The following TIAM1 variants were observed in gnomAD, a reference collection of about 807,000 sequenced individuals.
TIAM1 encodes the protein rho guanine nucleotide exchange factor TIAM1.
Under a neutral mutation model 163.5 loss-of-function variants are expected in TIAM1, and 65 were observed. The observed-to-expected ratio is 0.40, with a 90% confidence interval of 0.33 to 0.49. The LOEUF (loss-of-function observed/expected upper bound fraction) is 0.49, where lower values mean the gene tolerates loss of function less well. TIAM1 is among the 20% of genes least tolerant of loss of function. The pLI is 0.77. For synonymous variants in TIAM1, 833 were observed against 810.1 expected, an observed-to-expected ratio of 1.03 and a Z score of -0.48; for missense variants, 1,789 against 2,044.7, an observed-to-expected ratio of 0.87 and a Z score of 2.41.
chr21:31,208,191 C>T (rs2086550854), intron 11 of TIAM1, among the ~76,000 whole-genome samples: 1 of 152,130 alleles, frequency 6.6e-6, no homozygotes, highest in South Asian at 2.1e-4. Context: ...TAAAGTGGGC[C>T]AATCATTCAT....
At chr21:31,554,987 G>C in intron 1 of TIAM1, among the ~76,000 whole-genome samples, 1 of 152,216 alleles carries the variant, frequency 6.6e-6, no homozygotes, top group Middle Eastern at 3.4e-3. Flanking sequence ...TGTGGAGGAC[G>C]GTGCCAGAGG....
intron 1 of TIAM1, among the ~76,000 whole-genome samples, chr21:31,506,150 G>A (rs1018108393): frequency 6.6e-6 from 1 of 151,188 alleles, no homozygotes. Flanking sequence ...TGCCCAGCAC[G>A]ACTCCTCTTC....
At chr21:31,373,790 T>C (rs77729554) in intron 2 of TIAM1, among the ~76,000 whole-genome samples, 13 of 152,028 alleles carry the variant, frequency 8.6e-5, no homozygotes, top group Non-Finnish European at 1.8e-4. Context: ...TTCAAGAAAA[T>C]GATCAAATCT....
intron 2 of TIAM1, among the ~76,000 whole-genome samples, chr21:31,442,362 A>G (rs2044467436): frequency 6.6e-6 from 1 of 150,414 alleles, no homozygotes; most frequent in Admixed American, 6.7e-5. Context: ...CCTCCTGAGT[A>G]GCTGAGGCTA....
chr21:31,470,633 A>G (rs1482128632), intron 1 of TIAM1, among the ~76,000 whole-genome samples: 1 of 152,122 alleles, frequency 6.6e-6, no homozygotes, highest in Non-Finnish European at 1.5e-5. Context: ...ACACCTGGCT[A>G]AAACCTCGAA....
chr21:31,265,970 A>G (rs778581510), intron 4 of TIAM1, 40 bp downstream of exon 4: 1 of 1,598,104 alleles, frequency 6.3e-7, no homozygotes, highest in South Asian at 1.1e-5. Flanking sequence ...AGAGTCATGC[A>G]CCATTCCCAA....
intron 2 of TIAM1, among the ~76,000 whole-genome samples, chr21:31,333,746 C>T (rs1220088867): frequency 6.6e-6 from 1 of 152,200 alleles, no homozygotes; most frequent in Non-Finnish European, 1.5e-5. Context: ...GGCCTGAACA[C>T]TTATGAATTC....
chr21:31,212,526 T>C (rs1159674028), intron 10 of TIAM1: 1 of 151,850 alleles, frequency 6.6e-6, no homozygotes, highest in Non-Finnish European at 1.5e-5. Context: ...AACAAATCAG[T>C]ATTTTTATGG....
intron 2 of TIAM1, among the ~76,000 whole-genome samples, chr21:31,377,033 CTTT>C (rs35487868): frequency 2.5e-5 from 2 of 80,954 alleles, no homozygotes; most frequent in African/African-American, 4.9e-5. Flanking sequence ...TCATTTTTGT[CTTT>C]TTTTTTTTTT....
chr21:31,482,887 C>T (rs2046160022), intron 1 of TIAM1, among the ~76,000 whole-genome samples: 1 of 152,208 alleles, frequency 6.6e-6, no homozygotes, highest in African/African-American at 2.4e-5. Context: ...ATACCATTTA[C>T]TGAGTAGCTA....
intron 1 of TIAM1, among the ~76,000 whole-genome samples, chr21:31,492,119 CAGAG>C (rs962631942): frequency 3.3e-5 from 5 of 151,926 alleles, no homozygotes; most frequent in East Asian, 3.9e-4. Context: ...TATGAACACA[CAGAG>C]AGAGAGAAAG....
chr21:31,285,059 C>T (rs1332147021), intron 2 of TIAM1, among the ~76,000 whole-genome samples: 1 of 152,186 alleles, frequency 6.6e-6, no homozygotes, highest in Non-Finnish European at 1.5e-5. Flanking sequence ...CTAACCTGTT[C>T]CCTTACCATG....
intron 1 of TIAM1, among the ~76,000 whole-genome samples, chr21:31,547,796 A>C (rs1032353464): frequency 3.3e-5 from 5 of 152,186 alleles, no homozygotes; most frequent in African/African-American, 1.2e-4. Context: ...TAAGAGGAGT[A>C]ATTTTGTAAT....
At chr21:31,326,548 T>C (rs62221226) in intron 2 of TIAM1, among the ~76,000 whole-genome samples, 4,236 of 152,234 alleles carry the variant, frequency 0.028, 87 homozygotes, top group Middle Eastern at 0.061. Context: ...TAAAAGCCCA[T>C]GAACTGGAAA....
chr21:31,541,136 A>G (rs1349181800), intron 1 of TIAM1, among the ~76,000 whole-genome samples: 3 of 152,204 alleles, frequency 2.0e-5, no homozygotes, highest in Non-Finnish European at 2.9e-5. Flanking sequence ...GTATGTTTAG[A>G]AAAGAAAGCA....
At position 31,152,759 on chromosome 21, in the gene TIAM1, A is replaced by G. The variant is rs772071352; in HGVS notation, c.3243T>C (p.Leu1081=). 7.4e-6 allele frequency: 12 copies of G among 1,613,848 alleles called. No individual in the cohort carries two copies. In the East Asian group the frequency reaches 2.7e-4, roughly 36 times the overall value. Residue 1081 remains leucine (L), a splice_region_variant and synonymous_variant, in exon 19 of 28, where the codon CTT becomes CTC. Transcript: ENST00000541036. ...CCGTTAAATTTCCAAAAAGCACGTC[A>G]AGCTAGAAATAAAACAGAATTTAAT... ...QKETFLTQDE[L]DVLFGNLTEM...
chr21:31,253,070 G>A (rs2071904252), intron 4 of TIAM1, among the ~76,000 whole-genome samples: 1 of 152,240 alleles, frequency 6.6e-6, no homozygotes, highest in Admixed American at 6.5e-5. Flanking sequence ...GGACAGACAG[G>A]TCTGTTCTGA....
chr21:31,550,930 G>T (rs920367938), intron 1 of TIAM1, among the ~76,000 whole-genome samples: 18 of 152,204 alleles, frequency 1.2e-4, no homozygotes, highest in African/African-American at 4.3e-4. Context: ...GAACCATAAG[G>T]CCAGGCGCAG....
chr21:31,485,985 C>T (rs9975814), intron 1 of TIAM1, among the ~76,000 whole-genome samples: 51,874 of 151,708 alleles, frequency 0.34, 9,158 homozygotes, highest in Non-Finnish European at 0.37. Context: ...TCTCTGATTC[C>T]CTGATTCCAA....
Sources: allele counts gnomAD v4.1 joint callset (sites outside exome capture counted in the v4.1 genomes callset), GRCh38; gene constraint gnomAD v4.1.1; transcripts MANE v1.5; gene names NCBI Gene and HGNC (gene_info 2026-07-23, HGNC 2026-07-21).